CCL21: variants seen among roughly 807,000 people sequenced by gnomAD.
CCL21 encodes the protein C-C motif chemokine 21.
CCL21 carries 12 observed loss-of-function variants against 16.4 expected under a neutral mutation model. That is an observed-to-expected ratio of 0.73 (90% CI 0.47 to 1.18). CCL21 has a LOEUF of 1.18. Among genes scored for constraint, CCL21 ranks in the 50% most tolerant of loss-of-function variants. CCL21 has a pLI of 0.00. For synonymous variants in CCL21, 64 were observed against 62.1 expected (o/e 1.03, Z -0.15); for missense variants, 155 against 163.8 (o/e 0.95, Z 0.29).
rs777471870 is a variant in CCL21, at chr9:34,709,545, G to GC, written c.325dup (p.Ala109GlyfsTer18). ...CTTTCCTTTCTTGCCAGTCTTGGAG[G>GC]CCCCCCTGTCCTTCCTGCAGCCCTG... On this transcript the variant is annotated frameshift_variant, in exon 3 of 4. Coordinates refer to ENST00000259607, the MANE Select transcript of CCL21 (RefSeq NM_002989.4). LOFTEE classifies it high-confidence loss of function. 16 of 1,613,990 alleles carry GC rather than the reference G, an allele frequency of 9.9e-6. No homozygotes were observed. The East Asian group carries it at 3.3e-4, about 34-fold the overall frequency.
At position 34,709,404 on chromosome 9, in the gene CCL21, T is replaced by G; in HGVS notation, c.395A>C (p.Lys132Thr). 3 of 1,609,534 alleles carry G rather than the reference T, an allele frequency of 1.9e-6. No individual in the cohort carries two copies. The highest frequency in any genetic ancestry group is 3.4e-5 in the Admixed American group (2 of 58,110). The change falls in exon 4 of 4, where the codon AAA becomes ACA. Residue 132 changes from lysine (K) to threonine (T), a missense_variant. Lys to Thr is a moderately conservative substitution (Grantham distance 78). Coordinates refer to ENST00000259607, the MANE Select transcript of CCL21 (RefSeq NM_002989.4). ...CKRTERSQTPKGP is the reference protein window; with the variant it reads ...CKRTERSQTPTGP ...AGGCTGCTCACTGGGCTATGGCCCT[T>G]TAGGGGTCTGTGACCGCTCAGTCCT...
chr9:34,709,403 T>C lies in CCL21; in HGVS notation c.396A>G (p.Lys132=). The change falls in exon 4 of 4, where the codon AAA becomes AAG. Residue 132 remains lysine (K), a synonymous_variant. Transcript: ENST00000259607. ...CAGGCTGCTCACTGGGCTATGGCCC[T>C]TTAGGGGTCTGTGACCGCTCAGTCC... ...CKRTERSQTP[K]GP 1 of 1,609,244 alleles carries C rather than the reference T, an allele frequency of 6.2e-7. No individual in the cohort carries two copies. The highest frequency in any genetic ancestry group is 8.5e-7 in the Non-Finnish European group (1 of 1,178,760).
At chr9:34,709,732 C>A in intron 2 of CCL21, 45 bp downstream of exon 2, 1 of 1,613,644 alleles carries the variant, frequency 6.2e-7, no homozygotes. Flanking sequence ...CCATGCCCTC[C>A]CCACCCCGTC....
At position 34,709,637 on chromosome 9, in the gene CCL21, T is replaced by C. The variant is rs747340778; in HGVS notation, c.234A>G (p.Pro78=). The C allele has an allele frequency of 1.2e-6, 2 of 1,614,178 alleles. No individual in the cohort carries two copies. Among genetic ancestry groups the C allele is most frequent in the African/African-American group, 1.3e-5 (1 of 75,056 alleles). Reference sequence around the variant, plus strand: ...TCAGCTGCTGCACCCAGAGCTCCTTTGGGTCTGCACATAGCTCTGCCTGAG... The same window carrying C: ...TCAGCTGCTGCACCCAGAGCTCCTTCGGGTCTGCACATAGCTCTGCCTGAG... ...KRSQAELCAD[P]KELWVQQLMQ... Residue 78 remains proline, a synonymous_variant, in exon 3 of 4, where the codon CCA becomes CCG. Coordinates refer to ENST00000259607, the MANE Select transcript of CCL21 (RefSeq NM_002989.4).
Position 34,710,052 on chromosome 9 carries a change from CAG to C in CCL21, c.13_14del (p.Leu5GlyfsTer20). 6.2e-7 allele frequency: 1 copy of C among 1,613,796 alleles called. No individual in the cohort carries two copies. The highest frequency in any genetic ancestry group is 1.3e-5 in the African/African-American group (1 of 75,050). On this transcript the variant is annotated frameshift_variant, in exon 1 of 4. Transcript: ENST00000259607. LOFTEE classifies it high-confidence loss of function. MAQS[L>X]ALSLLILVLA... ...GAACCAGGATAAGGAGGCTCAGAGC[CAG>C]TGACTGAGCCATGTCTGTGGTAGAG...
At position 34,709,219 on chromosome 9, in the gene CCL21, G is replaced by A. The variant is rs1370040326; in HGVS notation, c.*175C>T. The A allele has an allele frequency of 1.3e-6, 1 of 793,714 alleles. No individual in the cohort carries two copies. Among genetic ancestry groups the A allele is most frequent in the South Asian group, 1.6e-5 (1 of 62,002 alleles). 49.2% of individuals were successfully genotyped at this position (793,714 alleles called of 1,614,324 possible). On this transcript the variant is annotated 3_prime_UTR_variant, in exon 4 of 4. Transcript: ENST00000259607. The stretch of plus-strand genomic sequence containing the variant: ...TGCTGTGGGCAGCTCAGCCATGCAG[G>A]GTAGAGCTGGGAATGCAGATGGGGT...
Position 34,709,854 on chromosome 9 carries a change from T to A in CCL21, c.111A>T (p.Gln37His). 6.2e-7 allele frequency: 1 copy of A among 1,614,214 alleles called. No homozygotes were observed. The highest frequency in any genetic ancestry group is 8.5e-7 in the Non-Finnish European group (1 of 1,180,042). The change falls in exon 2 of 4, where the codon CAA becomes CAT. Residue 37 changes from glutamine to histidine, a missense_variant. Coordinates refer to ENST00000259607, the MANE Select transcript of CCL21 (RefSeq NM_002989.4). The part of the protein sequence containing the change: ...GAQDCCLKYS[Q>H]RKIPAKVVRS... ...GGACAACCTTGGCGGGAATCTTCCT[T>A]TGGCTGTACTTGAGGCAACAGTCCT...
In CCL21 at chr9:34,709,984, C is replaced by G. The variant is rs373669915; in HGVS notation, c.67+16G>C. On this transcript the variant is annotated intron_variant, in intron 1 of 3. Transcript: ENST00000259607. ...ATCCCCTTAGCCCCATGCAAGGCCC[C>G]TCCCTGCCTTGGTACCTTGGGTCCT... The G allele has an allele frequency of 6.2e-7, 1 of 1,614,124 alleles. No individual in the cohort carries two copies. Among genetic ancestry groups the G allele is most frequent in the South Asian group, 1.1e-5 (1 of 91,078 alleles).
chr9:34,709,657 C>T lies in CCL21; in HGVS notation c.214G>A (p.Ala72Thr), dbSNP rs1359922266. The change falls in exon 3 of 4, where the codon GCA becomes ACA. Residue 72 changes from alanine (A) to threonine (T), a missense_variant. Physicochemically the swap from Ala to Thr is moderately conservative, Grantham distance 58. Coordinates refer to ENST00000259607, the MANE Select transcript of CCL21 (RefSeq NM_002989.4). ...TCCTTTGGGTCTGCACATAGCTCTG[C>T]CTGAGAGCGCTTGCGGGGCAAGAAC... is the stretch of plus-strand genomic sequence containing the variant. ...ILFLPRKRSQ[A>T]ELCADPKELW... is the part of the protein sequence containing the mutation. 2.5e-6 allele frequency: 4 copies of T among 1,613,986 alleles called. No individual in the cohort carries two copies. Among genetic ancestry groups the T allele is most frequent in the Non-Finnish European group, 3.4e-6 (4 of 1,180,004 alleles).
At chr9:34,709,973 A>G (rs1393099020) in intron 1 of CCL21, 27 bp downstream of exon 1, 5 of 1,614,056 alleles carry the variant, frequency 3.1e-6, no homozygotes, top group Non-Finnish European at 4.2e-6. Flanking sequence ...CCTTAGCCCC[A>G]TGCAAGGCCC....
chr9:34,709,302 C>T lies in CCL21; in HGVS notation c.*92G>A. ...AGCATGGGGTGGCTGCTCCAGGGCC[C>T]CTGAGCATAGCCTCCTTCTTGCATC... is the stretch of plus-strand genomic sequence containing the variant. On this transcript the variant is annotated 3_prime_UTR_variant, in exon 4 of 4. Coordinates refer to ENST00000259607, the MANE Select transcript of CCL21 (RefSeq NM_002989.4). 1 of 1,500,954 alleles carries T rather than the reference C, an allele frequency of 6.7e-7. No individual in the cohort carries two copies. The highest frequency in any genetic ancestry group is 1.2e-5 in the South Asian group (1 of 84,874). The allele number at this position is 1,500,954 out of a possible 1,614,324, so 93.0% of individuals were successfully genotyped here.
chr9:34,709,698 A>G lies in CCL21; in HGVS notation c.189-16T>C, dbSNP rs41378048. On this transcript the variant is annotated splice_polypyrimidine_tract_variant and intron_variant, in intron 2 of 3. Coordinates refer to ENST00000259607, the MANE Select transcript of CCL21 (RefSeq NM_002989.4). ...GGGCAAGAACCTGCGGGTGGGGGCTAGTAAGCCTTCTTAGTCTTGCCCACC... is the reference window on the plus strand; with the variant it reads ...GGGCAAGAACCTGCGGGTGGGGGCTGGTAAGCCTTCTTAGTCTTGCCCACC... 3.2e-3 allele frequency: 5,114 copies of G among 1,613,652 alleles called. 297 individuals carry two copies. The Admixed American group carries it at 0.08, about 25-fold the overall frequency.
Position 34,709,682 on chromosome 9 carries a change from C to G in CCL21, c.189G>C (p.Leu63=). 6.2e-7 allele frequency: 1 copy of G among 1,613,848 alleles called. No homozygotes were observed. Among genetic ancestry groups the G allele is most frequent in the Non-Finnish European group, 8.5e-7 (1 of 1,179,806 alleles). ...PSLGCSIPAI[L]FLPRKRSQAE... is the part of the protein sequence containing the mutation. Reference sequence around the variant, plus strand: ...CCTGAGAGCGCTTGCGGGGCAAGAACCTGCGGGTGGGGGCTAGTAAGCCTT... The same window carrying G: ...CCTGAGAGCGCTTGCGGGGCAAGAAGCTGCGGGTGGGGGCTAGTAAGCCTT... The change falls in exon 3 of 4, where the codon CTG becomes CTC. Residue 63 remains leucine (L), a splice_region_variant and synonymous_variant. Coordinates refer to ENST00000259607, the MANE Select transcript of CCL21 (RefSeq NM_002989.4).
rs374347595 is a variant in CCL21, at chr9:34,709,410, G to A, written c.389C>T (p.Thr130Ile). 3 of 1,610,122 alleles carry A rather than the reference G, an allele frequency of 1.9e-6. No homozygotes were observed. Among genetic ancestry groups the A allele is most frequent in the Non-Finnish European group, 2.5e-6 (3 of 1,178,976 alleles). The stretch of plus-strand genomic sequence containing the variant: ...CTCACTGGGCTATGGCCCTTTAGGG[G>A]TCTGTGACCGCTCAGTCCTGTGAGG... ...KGCKRTERSQ[T>I]PKGP is the part of the protein sequence containing the mutation. Residue 130 changes from threonine (T) to isoleucine (I), a missense_variant, in exon 4 of 4, where the codon ACC becomes ATC. Physicochemically the swap from Thr to Ile is moderately conservative, Grantham distance 89 (BLOSUM62 -1). Coordinates refer to ENST00000259607, the MANE Select transcript of CCL21 (RefSeq NM_002989.4).
Position 34,709,546 on chromosome 9 carries a change from C to G in CCL21, c.325G>C (p.Ala109Pro). 6.2e-7 allele frequency: 1 copy of G among 1,614,126 alleles called. No individual in the cohort carries two copies. The highest frequency in any genetic ancestry group is 8.5e-7 in the Non-Finnish European group (1 of 1,180,008). ...PAQGCRKDRG[A>P]SKTGKKGKGS... ...TTTCCTTTCTTGCCAGTCTTGGAGG[C>G]CCCCCTGTCCTTCCTGCAGCCCTGG... Residue 109 changes from alanine to proline, a missense_variant, in exon 3 of 4, where the codon GCC becomes CCC. By Grantham distance (27) the Ala-to-Pro change is conservative. Transcript: ENST00000259607.
At position 34,709,878 on chromosome 9, in the gene CCL21, C is replaced by G. The variant is rs768083949; in HGVS notation, c.87G>C (p.Gln29His). Residue 29 changes from glutamine to histidine, a missense_variant, in exon 2 of 4, where the codon CAG (glutamine) becomes CAC (histidine). Transcript: ENST00000259607. ...TTTGGCTGTACTTGAGGCAACAGTC[C>G]TGAGCCCCTCCATCACTGCCTGCAG... ...PRTQGSDGGA[Q>H]DCCLKYSQRK... is the part of the protein sequence containing the mutation. 5 of 1,614,244 alleles carry G rather than the reference C, an allele frequency of 3.1e-6. No individual in the cohort carries two copies. The Admixed American group carries it at 8.3e-5, about 27-fold the overall frequency.
At position 34,709,669 on chromosome 9, in the gene CCL21, T is replaced by A; in HGVS notation, c.202A>T (p.Lys68Ter). 1.9e-6 allele frequency: 3 copies of A among 1,614,030 alleles called. No homozygotes were observed. The highest frequency in any genetic ancestry group is 2.5e-6 in the Non-Finnish European group (3 of 1,179,942). ...GCACATAGCTCTGCCTGAGAGCGCT[T>A]GCGGGGCAAGAACCTGCGGGTGGGG... Reference protein sequence around the residue: ...SIPAILFLPRKRSQAELCADP... With the variant: ...SIPAILFLPR Residue 68 changes from lysine (K) to a stop codon, truncating the protein, a stop_gained, in exon 3 of 4, where the codon AAG becomes TAG. Coordinates refer to ENST00000259607, the MANE Select transcript of CCL21 (RefSeq NM_002989.4). LOFTEE classifies it high-confidence loss of function.
rs1253232550 is a variant in CCL21 at position 34,710,114 on chromosome 9, G to A, written c.-48C>T. On this transcript the variant is annotated 5_prime_UTR_variant, in exon 1 of 4. Coordinates refer to ENST00000259607, the MANE Select transcript of CCL21 (RefSeq NM_002989.4). Reference sequence around the variant, plus strand: ...GAGGCCAGAGCTGAGGGTGAGGTGGGCAGCTGCAAGTTGGGGGTCTGTGCG... The same window carrying A: ...GAGGCCAGAGCTGAGGGTGAGGTGGACAGCTGCAAGTTGGGGGTCTGTGCG... 6.5e-7 allele frequency: 1 copy of A among 1,550,068 alleles called. No homozygotes were observed. Among genetic ancestry groups the A allele is most frequent in the Non-Finnish European group, 8.9e-7 (1 of 1,127,190 alleles).
chr9:34,709,680 A>G lies in CCL21; in HGVS notation c.191T>C (p.Phe64Ser). 1.9e-6 allele frequency: 3 copies of G among 1,613,858 alleles called. No homozygotes were observed. Residue 64 changes from phenylalanine to serine, a missense_variant and splice_region_variant, in exon 3 of 4, where the codon TTC (phenylalanine) becomes TCC (serine). Phe to Ser is a radical substitution (Grantham distance 155). Transcript: ENST00000259607. ...TGCCTGAGAGCGCTTGCGGGGCAAG[A>G]ACCTGCGGGTGGGGGCTAGTAAGCC... ...SLGCSIPAIL[F>S]LPRKRSQAEL...
Sources: gnomAD v4.1 joint callset for allele counts on GRCh38, gnomAD v4.1.1 for gene constraint, MANE v1.5 for transcripts, NCBI Gene and HGNC (gene_info 2026-07-23, HGNC 2026-07-21) for gene names.